LHFPL6: variants seen among roughly 807,000 people sequenced by gnomAD.
The protein encoded by LHFPL6 is LHFPL tetraspan subfamily member 6, also known as LHFPL tetraspan subfamily member 6 protein.
A neutral mutation model predicts 20.6 loss-of-function variants in LHFPL6; 9 were observed. That is an observed-to-expected ratio of 0.44 (90% confidence interval 0.26 to 0.76). The LOEUF (loss-of-function observed/expected upper bound fraction) is 0.76, where lower values mean the gene tolerates loss of function less well. LHFPL6 is among the 30% of genes least tolerant of loss of function. The pLI is 0.20. For synonymous variants in LHFPL6, 105 were observed against 98.7 expected (o/e 1.06, Z -0.38); for missense variants, 218 against 253.5 (o/e 0.86, Z 0.95).
At chr13:39,491,087 T>C (rs892034121) in intron 2 of LHFPL6, among the ~76,000 whole-genome samples, 2 of 152,210 alleles carry the variant, frequency 1.3e-5, no homozygotes, top group African/African-American at 2.4e-5. Context: ...CCATGGCACA[T>C]ATACACTACT....
chr13:39,473,334 TCACACACAAACACA>T (rs1872995539), intron 2 of LHFPL6, among the ~76,000 whole-genome samples: 1 of 142,782 alleles, frequency 7.0e-6, no homozygotes, highest in Non-Finnish European at 1.5e-5. Context: ...AGATACTAGA[TCACACACAAACACA>T]CACACACAAA....
chr13:39,543,068 T>C (rs557567199), intron 2 of LHFPL6, among the ~76,000 whole-genome samples: 2 of 152,210 alleles, frequency 1.3e-5, no homozygotes, highest in Non-Finnish European at 2.9e-5. Flanking sequence ...TCTGTCTCTA[T>C]GAATTTACCT....
At chr13:39,589,129 T>TTTTGAGATAGAGTCTTGC (rs1182725829) in intron 2 of LHFPL6, among the ~76,000 whole-genome samples, 9 of 152,228 alleles carry the variant, frequency 5.9e-5, no homozygotes, top group African/African-American at 2.2e-4. Flanking sequence ...TTTTTTATTT[T>TTTTGAGATAGAGTCTTGC]TTTGAGATAG....
rs1184368258 is a variant in LHFPL6 at position 39,360,920 on chromosome 13, T to G, written c.485-16866A>C. Among the ~76,000 whole-genome samples, 3 of 97,862 alleles carry G rather than the reference T, an allele frequency of 3.1e-5. 1 individual carries two copies. The highest frequency in any genetic ancestry group is 9.0e-5 in the African/African-American group (3 of 33,374). The allele number at this position is 97,862 out of a possible 152,430, so 64.2% of individuals were successfully genotyped here. ...CCCCTCAAATGTTTTAGCTCCACTT[T>G]CAAGGTAAGAGACTGTGGGCAAAAG... On this transcript the variant is annotated intron_variant, in intron 3 of 3. Transcript: ENST00000379589.
chr13:39,479,080 T>TAGAG (rs1176670723), intron 2 of LHFPL6, among the ~76,000 whole-genome samples: 1 of 147,248 alleles, frequency 6.8e-6, no homozygotes, highest in Non-Finnish European at 1.5e-5. Context: ...GATAGATAGA[T>TAGAG]AGACAGACAT....
intron 2 of LHFPL6, among the ~76,000 whole-genome samples, chr13:39,535,047 C>G (rs1485359020): frequency 6.6e-6 from 1 of 152,180 alleles, no homozygotes; most frequent in Non-Finnish European, 1.5e-5. Context: ...CTCACACCCC[C>G]GGGCCTTTCT....
chr13:39,597,062 T>A (rs933662244), intron 2 of LHFPL6, among the ~76,000 whole-genome samples: 1 of 152,204 alleles, frequency 6.6e-6, no homozygotes, highest in Non-Finnish European at 1.5e-5. Context: ...CACTTAACTG[T>A]CTATTAGTTG....
chr13:39,516,872 T>C (rs1174120693), intron 2 of LHFPL6, among the ~76,000 whole-genome samples: 1 of 152,234 alleles, frequency 6.6e-6, no homozygotes, highest in East Asian at 1.9e-4. Flanking sequence ...GAGGGAGTCG[T>C]ACCAATGCAG....
chr13:39,556,473 T>C lies in LHFPL6; in HGVS notation c.385+44359A>G, dbSNP rs1169879644. ...AGTAATGGTCACCCCTGTTACACCC[T>C]GGCGAAGAACTTGGCTGTACTGTGT... On this transcript the variant is annotated intron_variant, in intron 2 of 3. Coordinates refer to ENST00000379589, the MANE Select transcript of LHFPL6 (RefSeq NM_005780.3). Among the ~76,000 whole-genome samples the C allele has an allele frequency of 3.3e-5, 5 of 152,320 alleles. No homozygotes were observed. The South Asian group carries it at 6.2e-4, about 19-fold the overall frequency.
At chr13:39,528,506 C>T (rs561479282) in intron 2 of LHFPL6, among the ~76,000 whole-genome samples, 4 of 152,282 alleles carry the variant, frequency 2.6e-5, no homozygotes, top group Admixed American at 2.6e-4. Flanking sequence ...GTAGGGCATC[C>T]CTCTCTCCCA....
At chr13:39,522,707 T>C (rs59531868) in intron 2 of LHFPL6, among the ~76,000 whole-genome samples, 12,262 of 152,294 alleles carry the variant, frequency 0.081, 729 homozygotes, top group East Asian at 0.29. Context: ...CATCATGGTT[T>C]ATACATAATG....
At chr13:39,459,691 C>T (rs183504025) in intron 2 of LHFPL6, among the ~76,000 whole-genome samples, 6 of 152,228 alleles carry the variant, frequency 3.9e-5, no homozygotes, top group African/African-American at 7.2e-5. Flanking sequence ...GTCATGTCTT[C>T]GCAATTCAGT....
chr13:39,452,535 A>C (rs958685587), intron 2 of LHFPL6, among the ~76,000 whole-genome samples: 2 of 152,196 alleles, frequency 1.3e-5, no homozygotes, highest in Non-Finnish European at 2.9e-5. Context: ...CAGTAGGGAG[A>C]TGCTCCTCCC....
At chr13:39,489,802 G>A (rs768455344) in intron 2 of LHFPL6, among the ~76,000 whole-genome samples, 17 of 152,046 alleles carry the variant, frequency 1.1e-4, no homozygotes, top group Non-Finnish European at 1.9e-4. Flanking sequence ...TGATCCATCC[G>A]CCTCAGCCTC....
chr13:39,542,131 T>A (rs866192819), intron 2 of LHFPL6, among the ~76,000 whole-genome samples: 11 of 142,698 alleles, frequency 7.7e-5, no homozygotes, highest in Middle Eastern at 3.9e-3. Context: ...ATAATAATAA[T>A]AAAATAAAAA....
At chr13:39,494,695 A>C (rs1869039653) in intron 2 of LHFPL6, among the ~76,000 whole-genome samples, 1 of 152,188 alleles carries the variant, frequency 6.6e-6, no homozygotes, top group Non-Finnish European at 1.5e-5. Context: ...AGCTCACAAA[A>C]CTACAGCTTC....
At chr13:39,415,977 AG>A (rs3216142) in intron 2 of LHFPL6, among the ~76,000 whole-genome samples, 82,368 of 151,498 alleles carry the variant, frequency 0.54, 22,983 homozygotes, top group Non-Finnish European at 0.59. Flanking sequence ...CATCACCCCT[AG>A]ATTCTCTGTC....
intron 2 of LHFPL6, among the ~76,000 whole-genome samples, chr13:39,534,641 T>C (rs1172779218): frequency 6.6e-6 from 1 of 152,228 alleles, no homozygotes; most frequent in Non-Finnish European, 1.5e-5. Flanking sequence ...TATAAATGCA[T>C]TGCACACTTT....
chr13:39,387,547 CAAAAAAA>C (rs141082421), intron 2 of LHFPL6, among the ~76,000 whole-genome samples: 4 of 87,960 alleles, frequency 4.5e-5, no homozygotes, highest in Admixed American at 1.5e-4. Context: ...GACTGTCTCA[CAAAAAAA>C]AAAAAAAAAA....
Sources: gnomAD v4.1 joint callset for allele counts (sites outside exome capture counted in the v4.1 genomes callset) on GRCh38, gnomAD v4.1.1 for gene constraint, MANE v1.5 for transcripts, NCBI Gene and HGNC (gene_info 2026-07-23, HGNC 2026-07-21) for gene names.